Variants in POFUT3 observed in about 807,000 individuals in gnomAD.
The protein encoded by POFUT3 is protein O-fucosyltransferase 3.
At chr8:33,448,303 T>C in the POFUT3 span, among the ~76,000 whole-genome samples, 2 of 152,028 alleles carry the variant, frequency 1.3e-5, no homozygotes, top group East Asian at 1.9e-4. Context: ...CTAACTCCAG[T>C]GACTCCTCAA....
chr8:33,340,785 A>T, the POFUT3 span, among the ~76,000 whole-genome samples: 1 of 152,230 alleles, frequency 6.6e-6, no homozygotes, highest in African/African-American at 2.4e-5. Context: ...GCTACAAAAC[A>T]TATGAAGCAA....
the POFUT3 span, among the ~76,000 whole-genome samples, chr8:33,393,269 T>C: frequency 6.6e-6 from 1 of 152,256 alleles, no homozygotes; most frequent in Non-Finnish European, 1.5e-5. Context: ...TTTCTAGTCA[T>C]GTTCACTGCT....
the POFUT3 span, among the ~76,000 whole-genome samples, chr8:33,358,684 C>T: frequency 6.6e-6 from 1 of 152,058 alleles, no homozygotes; most frequent in African/African-American, 2.4e-5. Flanking sequence ...ATGGAGCTCT[C>T]ATGAATGGGA....
At chr8:33,442,149 G>A in the POFUT3 span, among the ~76,000 whole-genome samples, 5 of 152,022 alleles carry the variant, frequency 3.3e-5, no homozygotes, top group South Asian at 1.0e-3. Flanking sequence ...TTTTTGTTTA[G>A]TAGAGATGGG....
At chr8:33,443,071 C>A in the POFUT3 span, among the ~76,000 whole-genome samples, 1 of 152,092 alleles carries the variant, frequency 6.6e-6, no homozygotes, top group Non-Finnish European at 1.5e-5. Context: ...CAAGATCACA[C>A]CACTGCACTG....
the POFUT3 span, among the ~76,000 whole-genome samples, chr8:33,348,280 G>A: frequency 6.8e-6 from 1 of 146,076 alleles, no homozygotes; most frequent in Admixed American, 6.8e-5. Flanking sequence ...CAGAACCAGT[G>A]AAGGAAACTG....
the POFUT3 span, among the ~76,000 whole-genome samples, chr8:33,430,292 C>T: frequency 6.6e-6 from 1 of 152,090 alleles, no homozygotes; most frequent in Non-Finnish European, 1.5e-5. Flanking sequence ...ATCTTTATGC[C>T]TTCAACTCCT....
chr8:33,460,782 A>C, the POFUT3 span: 1 of 984,658 alleles, frequency 1.0e-6, no homozygotes, highest in Non-Finnish European at 1.2e-6. Context: ...CTGTTTAAAA[A>C]AGGGGGGCAG....
At chr8:33,375,079 A>G in the POFUT3 span, among the ~76,000 whole-genome samples, 2 of 151,132 alleles carry the variant, frequency 1.3e-5, no homozygotes, top group African/African-American at 4.8e-5. Flanking sequence ...TTTAGTAGAG[A>G]CGGGGTTTCA....
chr8:33,384,961 C>G, the POFUT3 span, among the ~76,000 whole-genome samples: 2 of 152,184 alleles, frequency 1.3e-5, no homozygotes, highest in Admixed American at 6.5e-5. Context: ...GTGGGCACAG[C>G]AGTCACTGGT....
At chr8:33,350,413 G>A in the POFUT3 span, among the ~76,000 whole-genome samples, 1 of 152,104 alleles carries the variant, frequency 6.6e-6, no homozygotes, top group Non-Finnish European at 1.5e-5. Flanking sequence ...ACACCCTAAG[G>A]GACAAGGATG....
the POFUT3 span, among the ~76,000 whole-genome samples, chr8:33,376,951 T>G: frequency 1.3e-5 from 2 of 152,172 alleles, no homozygotes; most frequent in Non-Finnish European, 2.9e-5. Context: ...GAATTGACTA[T>G]AAAGGCCGGG....
At chr8:33,444,633 C>A in the POFUT3 span, among the ~76,000 whole-genome samples, 1 of 152,026 alleles carries the variant, frequency 6.6e-6, no homozygotes, top group Non-Finnish European at 1.5e-5. Context: ...GCCTGGCCAA[C>A]ATGGGGAAAC....
chr8:33,379,980 CTATATATATAGTATA>C, the POFUT3 span, among the ~76,000 whole-genome samples: 1 of 80,010 alleles, frequency 1.2e-5, no homozygotes, highest in African/African-American at 6.3e-5. Flanking sequence ...TATATACACT[CTATATATATAGTATA>C]TATATATACT....
chr8:33,416,078 T>A, the POFUT3 span, among the ~76,000 whole-genome samples: 2 of 152,214 alleles, frequency 1.3e-5, no homozygotes, highest in African/African-American at 4.8e-5. Context: ...AAATGTTGCA[T>A]TATTGCATCC....
the POFUT3 span, among the ~76,000 whole-genome samples, chr8:33,428,694 G>C: frequency 3.9e-5 from 6 of 152,210 alleles, no homozygotes; most frequent in Non-Finnish European, 7.4e-5. Context: ...GAGGTGGTTA[G>C]ATCATTAGGG....
chr8:33,395,571 C>T, the POFUT3 span, among the ~76,000 whole-genome samples: 5 of 152,234 alleles, frequency 3.3e-5, no homozygotes, highest in Admixed American at 1.3e-4. Context: ...AAAATCTCCA[C>T]ATTCACCATC....
the POFUT3 span, among the ~76,000 whole-genome samples, chr8:33,328,264 G>T: frequency 6.6e-6 from 1 of 152,002 alleles, no homozygotes; most frequent in Non-Finnish European, 1.5e-5. Flanking sequence ...TTTCTATGGG[G>T]TCCAGTCATG....
chr8:33,385,240 G>A, the POFUT3 span, among the ~76,000 whole-genome samples: 2 of 152,172 alleles, frequency 1.3e-5, no homozygotes. Context: ...TGGTTCCCGG[G>A]TGGTGGGGGA....
Sources: gnomAD v4.1 joint callset for allele counts (sites outside exome capture counted in the v4.1 genomes callset) on GRCh38, gnomAD v4.1.1 for gene constraint, MANE v1.5 for transcripts, NCBI Gene and HGNC (gene_info 2026-07-23, HGNC 2026-07-21) for gene names.